DCAF10: variants seen among roughly 807,000 people sequenced by gnomAD.
DCAF10 encodes DDB1 and CUL4 associated factor 10, also known as DDB1- and CUL4-associated factor 10.
A neutral mutation model predicts 51.9 loss-of-function variants in DCAF10; 19 were observed. That is an observed-to-expected ratio of 0.37 (90% CI 0.26 to 0.54). DCAF10 has a LOEUF of 0.54. DCAF10 is among the 20% of genes least tolerant of loss of function. The pLI is 0.87. For missense variants in DCAF10, 510 were observed against 730.6 expected (o/e 0.70, Z 3.48); for synonymous variants, 291 against 297.1 (o/e 0.98, Z 0.21).
chr9:37,844,133 G>A (rs1830410233), intron 3 of DCAF10, among the ~76,000 whole-genome samples: 1 of 152,168 alleles, frequency 6.6e-6, no homozygotes, highest in African/African-American at 2.4e-5. Context: ...ACTATAAAAA[G>A]TAAAAGTGGA....
chr9:37,846,300 A>G (rs1038620691), intron 3 of DCAF10, among the ~76,000 whole-genome samples: 1 of 152,186 alleles, frequency 6.6e-6, no homozygotes, highest in Non-Finnish European at 1.5e-5. Context: ...GTCATAATTA[A>G]AAACAAAAGA....
chr9:37,842,403 A>AGTTTT, intron 3 of DCAF10, 117 bp downstream of exon 3: 1 of 984,168 alleles, frequency 1.0e-6, no homozygotes, highest in Non-Finnish European at 1.4e-6. Flanking sequence ...AGGAAAAGCA[A>AGTTTT]CCAAAAAGTG....
At chr9:37,800,573 G>A, upstream of DCAF10, 2 of 1,535,904 alleles carry the variant, frequency 1.3e-6, no homozygotes, top group Non-Finnish European at 1.7e-6. Context: ...CAGGCACGCG[G>A]CCACCGGTCA....
Position 37,866,699 on chromosome 9 carries a change from C to A in DCAF10, c.*5191C>A, listed in dbSNP as rs1401687272. On this transcript the variant is annotated 3_prime_UTR_variant, in exon 7 of 7. Transcript: ENST00000377724. ...CACTTTTCTGAAAGGTTCACAGTAA[C>A]CTTCTAGATAATAGAAACTCCCAGT... is the stretch of plus-strand genomic sequence containing the variant. 1.3e-5 allele frequency: 2 copies of A among 152,626 alleles called. No homozygotes were observed. The allele number at this position is 152,626 out of a possible 1,614,324, so 9.5% of individuals were successfully genotyped here. A position where few individuals can be genotyped will look rare whatever the true frequency, so the allele number is the denominator to read the frequency against.
intron 1 of DCAF10, among the ~76,000 whole-genome samples, chr9:37,807,653 CTTTTCTTTT>C (rs1163180089): frequency 2.0e-3 from 229 of 111,774 alleles, no homozygotes; most frequent in African/African-American, 6.9e-3. Flanking sequence ...ATTTTCTTTT[CTTTTCTTTT>C]TTTTTTTTTT....
At position 37,801,522 on chromosome 9, in the gene DCAF10, C is replaced by T; in HGVS notation, c.539+117C>T. On this transcript the variant is annotated intron_variant, in intron 1 of 6. Transcript: ENST00000377724. This position sits in a 1 kb window ranked among gnomAD's most constrained non-coding sequence, Gnocchi z 5.5. ...CCGAGGTTAGCGAGGCCGTTTGGGG[C>T]CGCTGGCCTTCGTGCCTCCTGGCAC... The T allele has an allele frequency of 8.1e-7, 1 of 1,230,186 alleles. No homozygotes were observed. The highest frequency in any genetic ancestry group is 1.0e-6 in the Non-Finnish European group (1 of 954,164). 76.2% of individuals were successfully genotyped at this position (1,230,186 alleles called of 1,614,324 possible). A position where few individuals can be genotyped will look rare whatever the true frequency, so the allele number is the denominator to read the frequency against.
In DCAF10 at chr9:37,861,530, G is replaced by A. The variant is rs1429908722; in HGVS notation, c.*22G>A. 6.3e-7 allele frequency: 1 copy of A among 1,590,136 alleles called. No homozygotes were observed. The highest frequency in any genetic ancestry group is 1.1e-5 in the South Asian group (1 of 89,124). The stretch of plus-strand genomic sequence containing the variant: ...TTAGGCACAACTTACATCAAATAAG[G>A]AACTCTTCTGGTGTTTGACTTAGGA... On this transcript the variant is annotated 3_prime_UTR_variant, in exon 7 of 7. Transcript: ENST00000377724. The surrounding 1 kb of genome is among the most constrained non-coding windows in gnomAD (Gnocchi z 4.9).
At chr9:37,811,681 A>G (rs1829351793) in intron 1 of DCAF10, among the ~76,000 whole-genome samples, 1 of 152,186 alleles carries the variant, frequency 6.6e-6, no homozygotes, top group Non-Finnish European at 1.5e-5. Context: ...AATATACAGA[A>G]TAAAGTTCAG....
Position 37,801,514 on chromosome 9 carries a change from G to T in DCAF10, c.539+109G>T. 6 of 1,264,020 alleles carry T rather than the reference G, an allele frequency of 4.7e-6. No homozygotes were observed. Among genetic ancestry groups the T allele is most frequent in the Non-Finnish European group, 5.1e-6 (5 of 983,824 alleles). 78.3% of individuals were successfully genotyped at this position (1,264,020 alleles called of 1,614,324 possible). A position where few individuals can be genotyped will look rare whatever the true frequency, so the allele number is the denominator to read the frequency against. The stretch of plus-strand genomic sequence containing the variant: ...CGCCCGGGCCGAGGTTAGCGAGGCC[G>T]TTTGGGGCCGCTGGCCTTCGTGCCT... On this transcript the variant is annotated intron_variant, in intron 1 of 6. Transcript: ENST00000377724. The surrounding 1 kb of genome is among the most constrained non-coding windows in gnomAD (Gnocchi z 5.5).
At chr9:37,838,343 T>C (rs1465982828) in intron 2 of DCAF10, among the ~76,000 whole-genome samples, 1 of 152,096 alleles carries the variant, frequency 6.6e-6, no homozygotes, top group Non-Finnish European at 1.5e-5. Flanking sequence ...GTGGCAAGGA[T>C]TTGGGAAAAT....
intron 1 of DCAF10, among the ~76,000 whole-genome samples, chr9:37,807,658 C>CTTTTTTTTTT (rs5897701): frequency 2.0e-3 from 144 of 72,448 alleles, no homozygotes; most frequent in Middle Eastern, 8.9e-3. Flanking sequence ...CTTTTCTTTT[C>CTTTTTTTTTT]TTTTTTTTTT....
chr9:37,848,986 A>C (rs1053492610), intron 3 of DCAF10, among the ~76,000 whole-genome samples: 4 of 152,094 alleles, frequency 2.6e-5, no homozygotes, highest in Admixed American at 1.3e-4. Context: ...AAAAAAAAAA[A>C]AAAAACTTAA....
At chr9:37,838,262 A>T (rs1168126458) in intron 2 of DCAF10, among the ~76,000 whole-genome samples, 2 of 152,222 alleles carry the variant, frequency 1.3e-5, no homozygotes, top group East Asian at 3.8e-4. Context: ...TTTACTAAAC[A>T]TAAAAGTTTC....
chr9:37,842,313 A>G (rs1203898646), intron 3 of DCAF10, 27 bp downstream of exon 3: 1 of 1,588,658 alleles, frequency 6.3e-7, no homozygotes, highest in Non-Finnish European at 8.6e-7. Context: ...CCATGTTAGG[A>G]TTATGAACAA....
In DCAF10 at chr9:37,866,894, G is replaced by C. The variant is rs1831147478; in HGVS notation, c.*5386G>C. On this transcript the variant is annotated 3_prime_UTR_variant, in exon 7 of 7. Coordinates refer to ENST00000377724, the MANE Select transcript of DCAF10 (RefSeq NM_024345.5). ...ATCATGCTTTTAAGAAAAAAGAAGA[G>C]TACAGGAAAAAAATTCAGATAGACA... The C allele has an allele frequency of 6.6e-6, 1 of 152,404 alleles. No individual in the cohort carries two copies. Among genetic ancestry groups the C allele is most frequent in the Admixed American group, 6.6e-5 (1 of 15,256 alleles). The allele number at this position is 152,404 out of a possible 1,614,324, so 9.4% of individuals were successfully genotyped here. A position where few individuals can be genotyped will look rare whatever the true frequency, so the allele number is the denominator to read the frequency against.
chr9:37,836,537 T>A, intron 2 of DCAF10: 1 of 756,224 alleles, frequency 1.3e-6, no homozygotes. Context: ...CCTCATCAGC[T>A]GAGAGCAGGG....
At chr9:37,823,878 T>C (rs1829777847) in intron 2 of DCAF10, among the ~76,000 whole-genome samples, 1 of 138,926 alleles carries the variant, frequency 7.2e-6, no homozygotes, top group Non-Finnish European at 1.6e-5. Context: ...GAGCACATCT[T>C]TTTTTTTTTT....
chr9:37,855,198 T>A (rs984596780), intron 4 of DCAF10, among the ~76,000 whole-genome samples: 1 of 152,230 alleles, frequency 6.6e-6, no homozygotes, highest in African/African-American at 2.4e-5. Context: ...GAATCACAAA[T>A]GGACTAGGAG....
chr9:37,860,007 T>G, intron 5 of DCAF10, 41 bp from the exon 6 acceptor site: 1 of 1,610,458 alleles, frequency 6.2e-7, no homozygotes, highest in Non-Finnish European at 8.5e-7. Context: ...CTTAGTTTTT[T>G]GATAATACAA....
Sources: gnomAD v4.1 joint callset for allele counts (sites outside exome capture counted in the v4.1 genomes callset) on GRCh38, gnomAD v4.1.1 for gene constraint, Gnocchi (gnomAD v3.1) non-coding constraint, MANE v1.5 for transcripts, NCBI Gene and HGNC (gene_info 2026-07-23, HGNC 2026-07-21) for gene names.